TTLL4: variants seen among roughly 807,000 people sequenced by gnomAD.
TTLL4 encodes the protein tubulin monoglutamylase TTLL4.
In TTLL4, 85 loss-of-function variants were observed where a neutral mutation model predicts 122.7. The ratio of observed to expected loss-of-function variants is 0.69; its 90% CI spans 0.58 to 0.83. The LOEUF (loss-of-function observed/expected upper bound fraction) is 0.83, where lower values mean the gene tolerates loss of function less well. TTLL4 is among the 40% of genes least tolerant of loss of function. The pLI, the probability that TTLL4 is intolerant of heterozygous loss-of-function variation, is 0.00. For synonymous variants in TTLL4, 553 were observed against 563.0 expected (o/e 0.98, Z 0.25); for missense variants, 1,363 against 1,488.6 (o/e 0.92, Z 1.39).
rs1437060647 is a variant in TTLL4 at position 218,737,897 on chromosome 2, T to C, written c.221T>C (p.Val74Ala). Reference protein sequence around the residue: ...SAGLGPGLLGVPPQPAYFFCP... With the variant: ...SAGLGPGLLGAPPQPAYFFCP... Reference sequence around the variant, plus strand: ...GGGTTGGGCCCAGGCCTCTTGGGCGTCCCACCCCAGCCAGCATATTTCTTT... The same window carrying C: ...GGGTTGGGCCCAGGCCTCTTGGGCGCCCCACCCCAGCCAGCATATTTCTTT... Residue 74 changes from valine (V) to alanine (A), a missense_variant, in exon 3 of 20, where the codon GTC becomes GCC. By Grantham distance (64) the Val-to-Ala change is moderately conservative. This residue lies in a region of TTLL4 where 760 missense variants were observed against 808.4 expected (regional missense o/e 0.94). Transcript: ENST00000392102. 1 of 1,614,158 alleles carries C rather than the reference T, an allele frequency of 6.2e-7. No homozygotes were observed. The highest frequency in any genetic ancestry group is 8.5e-7 in the Non-Finnish European group (1 of 1,180,042).
chr2:218,740,609 GT>G, intron 5 of TTLL4, 25 bp downstream of exon 5: 1 of 1,612,194 alleles, frequency 6.2e-7, no homozygotes, highest in East Asian at 2.2e-5. Context: ...ATAGATCATT[GT>G]TACATGCTCA....
In TTLL4 at chr2:218,737,902, C is replaced by T. The variant is rs912127172; in HGVS notation, c.226C>T (p.Pro76Ser). Residue 76 changes from proline (P) to serine (S), a missense_variant, in exon 3 of 20, where the codon CCC (proline) becomes TCC (serine). Pro to Ser is a moderately conservative substitution (Grantham distance 74). Transcript: ENST00000392102. ...GGGCCCAGGCCTCTTGGGCGTCCCA[C>T]CCCAGCCAGCATATTTCTTTTGCCC... is the stretch of plus-strand genomic sequence containing the variant. Reference protein sequence around the residue: ...GLGPGLLGVPPQPAYFFCPST... With the variant: ...GLGPGLLGVPSQPAYFFCPST... The T allele has an allele frequency of 1.9e-6, 3 of 1,614,194 alleles. No homozygotes were observed. The highest frequency in any genetic ancestry group is 2.5e-6 in the Non-Finnish European group (3 of 1,180,034).
At chr2:218,731,101 G>A (rs1018048233) in intron 2 of TTLL4, among the ~76,000 whole-genome samples, 1 of 136,404 alleles carries the variant, frequency 7.3e-6, no homozygotes, top group African/African-American at 2.9e-5. Context: ...GACAGAGGGA[G>A]ACCTTGTCTA....
chr2:218,733,881 GTGT>G (rs1356709925), intron 2 of TTLL4, among the ~76,000 whole-genome samples: 1 of 152,346 alleles, frequency 6.6e-6, no homozygotes, highest in African/African-American at 2.4e-5. Context: ...GCAAAAGGAA[GTGT>G]TGTGCAGTGA....
At chr2:218,752,355 T>G (rs1218496005) in intron 16 of TTLL4, among the ~76,000 whole-genome samples, 2 of 152,196 alleles carry the variant, frequency 1.3e-5, no homozygotes. Flanking sequence ...AACTATAGAC[T>G]TTTACCCTTT....
chr2:218,711,948 CT>C (rs763084619), intron 1 of TTLL4, among the ~76,000 whole-genome samples: 2 of 151,314 alleles, frequency 1.3e-5, no homozygotes, highest in Non-Finnish European at 3.0e-5. Flanking sequence ...CCATCCCATC[CT>C]TCTGTTTCTT....
At chr2:218,745,425 C>G in intron 6 of TTLL4, 192 bp downstream of exon 6, 1 of 709,978 alleles carries the variant, frequency 1.4e-6, no homozygotes, top group Non-Finnish European at 2.3e-6. Flanking sequence ...TTAGCTGACC[C>G]TTTTCAGCCT....
In TTLL4 at chr2:218,747,813, A is replaced by G; in HGVS notation, c.2378+88A>G. 1 of 1,555,890 alleles carries G rather than the reference A, an allele frequency of 6.4e-7. No individual in the cohort carries two copies. Among genetic ancestry groups the G allele is most frequent in the Non-Finnish European group, 8.7e-7 (1 of 1,146,202 alleles). ...GGAAACTAGAAGACACCAAACAGAAAAATAGTTTTTGTTAGCAAGGGGAAA... is the reference window on the plus strand; with the variant it reads ...GGAAACTAGAAGACACCAAACAGAAGAATAGTTTTTGTTAGCAAGGGGAAA... On this transcript the variant is annotated intron_variant, in intron 11 of 19. Transcript: ENST00000392102. The surrounding 1 kb of genome is among the most constrained non-coding windows in gnomAD (Gnocchi z 4.7).
chr2:218,717,073 C>T (rs1252564811), intron 1 of TTLL4, among the ~76,000 whole-genome samples: 1 of 152,012 alleles, frequency 6.6e-6, no homozygotes, highest in Non-Finnish European at 1.5e-5. Context: ...TCTCCACCCC[C>T]CAGGCTCAGG....
intron 2 of TTLL4, among the ~76,000 whole-genome samples, chr2:218,730,345 A>G (rs1373166824): frequency 3.1e-5 from 4 of 128,370 alleles, no homozygotes; most frequent in East Asian, 2.0e-4. Flanking sequence ...AAAAAAAAAA[A>G]AAAAGAAAAA....
chr2:218,745,441 T>C, intron 6 of TTLL4: 5 of 674,118 alleles, frequency 7.4e-6, no homozygotes, highest in South Asian at 5.8e-5. Flanking sequence ...AGCCTTGCCA[T>C]GTCATGCTGA....
chr2:218,758,908 A>C (rs2106471977), downstream of TTLL4, among the ~76,000 whole-genome samples: 1 of 152,368 alleles, frequency 6.6e-6, no homozygotes, highest in Admixed American at 6.5e-5. Flanking sequence ...TGAATTAACA[A>C]ATTGTGATAT....
chr2:218,749,432 T>G, intron 14 of TTLL4, 45 bp downstream of exon 14: 1 of 1,607,068 alleles, frequency 6.2e-7, no homozygotes, highest in South Asian at 1.1e-5. Flanking sequence ...CCTTCCATTA[T>G]TCTCACGCTC....
intron 12 of TTLL4, chr2:218,748,545 C>A: frequency 2.3e-6 from 1 of 436,096 alleles, no homozygotes. Context: ...ATCCCAGCTG[C>A]TCAGGAAGTT....
intron 1 of TTLL4, among the ~76,000 whole-genome samples, chr2:218,726,037 G>T (rs1942182249): frequency 2.0e-5 from 3 of 151,920 alleles, no homozygotes; most frequent in Non-Finnish European, 2.9e-5. Flanking sequence ...TTTTCTTTTT[G>T]CATGTTAATT....
At chr2:218,742,554 C>G (rs750771366) in intron 5 of TTLL4, among the ~76,000 whole-genome samples, 1 of 152,184 alleles carries the variant, frequency 6.6e-6, no homozygotes, top group East Asian at 1.9e-4. Context: ...AGTGAAGCAG[C>G]TGTTCCAAGG....
At chr2:218,749,214 G>A (rs1942947839) in intron 13 of TTLL4, 39 bp from the exon 14 acceptor site, 2 of 1,610,896 alleles carry the variant, frequency 1.2e-6, no homozygotes, top group Admixed American at 1.7e-5. Flanking sequence ...AGCCCTCTGG[G>A]AGGAGCTGAA....
chr2:218,716,367 A>T (rs1484402302), intron 1 of TTLL4, among the ~76,000 whole-genome samples: 2 of 152,256 alleles, frequency 1.3e-5, no homozygotes, highest in Admixed American at 1.3e-4. Context: ...AGACAATCAC[A>T]CAAGTGCTTT....
At chr2:218,759,566 G>T (rs1943203150), downstream of TTLL4, among the ~76,000 whole-genome samples, 1 of 152,162 alleles carries the variant, frequency 6.6e-6, no homozygotes, top group African/African-American at 2.4e-5. Flanking sequence ...TATAGATGAG[G>T]GAGGGGTAGA....
Sources: gnomAD v4.1 joint callset for allele counts (sites outside exome capture counted in the v4.1 genomes callset) on GRCh38, gnomAD v4.1.1 for gene constraint, gnomAD v4.1.1 regional missense constraint, Gnocchi (gnomAD v3.1) non-coding constraint, MANE v1.5 for transcripts, NCBI Gene and HGNC (gene_info 2026-07-23, HGNC 2026-07-21) for gene names.